The following FNDC1 variants were observed in gnomAD, a reference collection of about 807,000 sequenced individuals.
FNDC1 encodes the protein fibronectin type III domain-containing protein 1.
FNDC1 carries 96 observed loss-of-function variants against 168.0 expected under a neutral mutation model. The observed-to-expected ratio is 0.57, with a 90% CI of 0.48 to 0.68. The LOEUF (loss-of-function observed/expected upper bound fraction) is 0.68, where lower values mean the gene tolerates loss of function less well. FNDC1 is among the 30% of genes least tolerant of loss of function. The pLI is 0.00. For missense variants in FNDC1, 2,587 were observed against 2,482.1 expected (o/e 1.04, Z -0.90); for synonymous variants, 1,099 against 1,025.9 (o/e 1.07, Z -1.36).
Position 159,227,605 on chromosome 6 carries a change from CT to C in FNDC1, c.1180+1036del, listed in dbSNP as rs914080165. 2.6e-3 allele frequency among the ~76,000 whole-genome samples: 350 copies of C among 136,550 alleles called. 2 individuals are homozygous for C. Among genetic ancestry groups the C allele is most frequent in the African/African-American group, 8.0e-3 (306 of 38,160 alleles). 89.6% of individuals were successfully genotyped at this position (136,550 alleles called of 152,430 possible). A position where few individuals can be genotyped will look rare whatever the true frequency, so the allele number is the denominator to read the frequency against. ...ATTTTCTATACTTCACGTTTTTTCA[CT>C]TTTTTTTTTTAAAGAATAGATTGTA... On this transcript the variant is annotated intron_variant, in intron 9 of 22. Transcript: ENST00000297267.
chr6:159,206,872 A>C (rs1413130354), intron 4 of FNDC1, among the ~76,000 whole-genome samples: 2 of 152,234 alleles, frequency 1.3e-5, no homozygotes, highest in Admixed American at 6.5e-5. Context: ...CTCCCAAGGA[A>C]GTACTGCCCC....
At chr6:159,249,931 G>A (rs1777221805) in intron 16 of FNDC1, among the ~76,000 whole-genome samples, 1 of 152,222 alleles carries the variant, frequency 6.6e-6, no homozygotes, top group Non-Finnish European at 1.5e-5. Context: ...TAGTGACTGA[G>A]TGTCTAAACC....
chr6:159,175,293 T>C (rs933007498), intron 1 of FNDC1, among the ~76,000 whole-genome samples: 1 of 152,204 alleles, frequency 6.6e-6, no homozygotes, highest in African/African-American at 2.4e-5. Flanking sequence ...CCTTACGAAG[T>C]CAGTAACATC....
At chr6:159,264,244 T>C (rs921239182) in intron 19 of FNDC1, among the ~76,000 whole-genome samples, 20 of 152,248 alleles carry the variant, frequency 1.3e-4, no homozygotes, top group African/African-American at 4.8e-4. Flanking sequence ...CCAGGGTCCT[T>C]GTCTCTCTAG....
In FNDC1 at chr6:159,197,437, A is replaced by G; in HGVS notation, c.116A>G (p.His39Arg). ...VASSAAASVD[H>R]PLKPRHVKLL... ...AGTTGCGCTGTTTACATAGTTGACC[A>G]CCCACTGAAGCCAAGGCATGTGAAA... The change falls in exon 2 of 23, where the codon CAC becomes CGC. Residue 39 changes from histidine (H) to arginine (R), a missense_variant. His to Arg is a conservative substitution (Grantham distance 29). Coordinates refer to ENST00000297267, the MANE Select transcript of FNDC1 (RefSeq NM_032532.3). The G allele has an allele frequency of 6.2e-7, 1 of 1,611,650 alleles. No homozygotes were observed. The highest frequency in any genetic ancestry group is 1.3e-5 in the African/African-American group (1 of 74,936).
At chr6:159,194,406 G>A in intron 1 of FNDC1, among the ~76,000 whole-genome samples, 1 of 152,316 alleles carries the variant, frequency 6.6e-6, no homozygotes, top group East Asian at 1.9e-4. Flanking sequence ...ATCTTCATTA[G>A]ATGAGAATAC....
At chr6:159,269,483 T>TA (rs1777683463) in intron 22 of FNDC1, among the ~76,000 whole-genome samples, 1 of 126,168 alleles carries the variant, frequency 7.9e-6, no homozygotes, top group Admixed American at 8.3e-5. Flanking sequence ...TCTATCTATC[T>TA]ATCTATCTAT....
chr6:159,222,643 T>C, intron 6 of FNDC1, among the ~76,000 whole-genome samples: 1 of 152,370 alleles, frequency 6.6e-6, no homozygotes, highest in African/African-American at 2.4e-5. Context: ...GATAAATCTC[T>C]GTAAGAAATT....
rs746630887 is a variant in FNDC1, at chr6:159,232,241, G to A, written c.1729G>A (p.Val577Ile). 5.6e-6 allele frequency: 9 copies of A among 1,611,914 alleles called. No individual in the cohort carries two copies. Among genetic ancestry groups the A allele is most frequent in the Non-Finnish European group, 7.6e-6 (9 of 1,179,058 alleles). Reference protein sequence around the residue: ...RPPSRHGHSVVAPGRTAVRAR... With the variant: ...RPPSRHGHSVIAPGRTAVRAR... ...GCCAAGTAGACACGGCCACTCGGTG[G>A]TTGCTCCCGGCAGGACTGCAGTGAG... is the stretch of plus-strand genomic sequence containing the variant. Residue 577 changes from valine to isoleucine, a missense_variant, in exon 11 of 23, where the codon GTT becomes ATT. Transcript: ENST00000297267. This position sits in a 1 kb window ranked among gnomAD's most constrained non-coding sequence, Gnocchi z 4.9.
intron 18 of FNDC1, among the ~76,000 whole-genome samples, 200 bp from the exon 19 acceptor site, chr6:159,260,990 T>C (rs1777470947): frequency 6.6e-6 from 1 of 152,252 alleles, no homozygotes; most frequent in Non-Finnish European, 1.5e-5. Context: ...CCTGCTATGT[T>C]AATTGTATTA....
At chr6:159,264,915 A>T in intron 19 of FNDC1, 60 bp from the exon 20 acceptor site, 1 of 1,439,796 alleles carries the variant, frequency 6.9e-7, no homozygotes, top group South Asian at 1.3e-5. Context: ...CTAACCATTT[A>T]AAGAATTGCA....
At chr6:159,254,707 CAAAAAAA>C (rs61644137) in intron 17 of FNDC1, among the ~76,000 whole-genome samples, 1 of 92,630 alleles carries the variant, frequency 1.1e-5, no homozygotes. Flanking sequence ...GACTTCGTCT[CAAAAAAA>C]AAAAAAAAAA....
At chr6:159,188,660 G>A (rs993851624) in intron 1 of FNDC1, among the ~76,000 whole-genome samples, 21 of 151,888 alleles carry the variant, frequency 1.4e-4, no homozygotes, top group African/African-American at 5.1e-4. Flanking sequence ...TTACAGGCGT[G>A]AGCCACTGCG....
At chr6:159,203,571 C>T (rs941235292) in intron 4 of FNDC1, among the ~76,000 whole-genome samples, 2 of 152,346 alleles carry the variant, frequency 1.3e-5, no homozygotes, top group Non-Finnish European at 2.9e-5. Context: ...TTGCTCATCT[C>T]ACTTCTCCGA....
chr6:159,213,283 C>G (rs752018932), intron 4 of FNDC1, among the ~76,000 whole-genome samples: 8 of 152,186 alleles, frequency 5.3e-5, no homozygotes, highest in Non-Finnish European at 1.0e-4. Context: ...CAGGACAGAG[C>G]CACCGGCAGA....
chr6:159,205,122 C>A (rs773996869), intron 4 of FNDC1, among the ~76,000 whole-genome samples: 8 of 152,208 alleles, frequency 5.3e-5, no homozygotes, highest in Non-Finnish European at 1.0e-4. Flanking sequence ...GGGTGGGATT[C>A]ATCTTTGGAT....
At chr6:159,254,173 G>A (rs1454625858) in intron 17 of FNDC1, among the ~76,000 whole-genome samples, 2 of 152,144 alleles carry the variant, frequency 1.3e-5, no homozygotes, top group Non-Finnish European at 2.9e-5. Context: ...AGGTGCATTC[G>A]ATGTTATTGA....
At chr6:159,231,042 CATGCT>C (rs1406953446) in intron 10 of FNDC1, among the ~76,000 whole-genome samples, 1 of 152,134 alleles carries the variant, frequency 6.6e-6, no homozygotes, top group Admixed American at 6.5e-5. Context: ...CAGGTAAGGA[CATGCT>C]ATGGGAAGAG....
At chr6:159,245,298 C>T (rs1370577221) in intron 14 of FNDC1, among the ~76,000 whole-genome samples, 1 of 152,142 alleles carries the variant, frequency 6.6e-6, no homozygotes, top group Non-Finnish European at 1.5e-5. Flanking sequence ...CAATGTATCT[C>T]AAGCGTTTGT....
Sources: allele counts gnomAD v4.1 joint callset (sites outside exome capture counted in the v4.1 genomes callset), GRCh38; gene constraint gnomAD v4.1.1; non-coding constraint Gnocchi (gnomAD v3.1); transcripts MANE v1.5; gene names NCBI Gene and HGNC (gene_info 2026-07-23, HGNC 2026-07-21).